NUP98: variants seen among roughly 807,000 people sequenced by gnomAD.
The protein encoded by NUP98 is nucleoporin 98 and 96 precursor, also known as nuclear pore complex protein Nup98-Nup96.
NUP98 carries 26 observed loss-of-function variants against 191.9 expected under a neutral mutation model. That is an observed-to-expected ratio of 0.14 (90% CI 0.10 to 0.19). The LOEUF (loss-of-function observed/expected upper bound fraction) is 0.19. Ranked by LOEUF, NUP98 falls within the 10% of genes least tolerant of loss-of-function variation. NUP98 has a pLI of 1.00. For synonymous variants in NUP98, 808 were observed against 778.4 expected, an observed-to-expected ratio of 1.04 and a Z score of -0.63; for missense variants, 1,941 against 2,178.8, an observed-to-expected ratio of 0.89 and a Z score of 2.17.
At chr11:3,743,864 G>C (rs4910695) in intron 12 of NUP98, among the ~76,000 whole-genome samples, 10,172 of 150,688 alleles carry the variant, frequency 0.068, 367 homozygotes, top group Middle Eastern at 0.1. Context: ...TCAGCCTGGC[G>C]AACATGGTGA....
chr11:3,718,595 G>GGGAAA (rs569498256), intron 18 of NUP98, among the ~76,000 whole-genome samples: 7 of 151,930 alleles, frequency 4.6e-5, no homozygotes, highest in African/African-American at 1.2e-4. Context: ...GAAGCGGAAG[G>GGGAAA]GGAAAGGAAA....
intron 6 of NUP98, 107 bp from the exon 7 acceptor site, chr11:3,772,035 A>C (rs1159763034): frequency 2.2e-6 from 2 of 892,536 alleles, no homozygotes; most frequent in Non-Finnish European, 3.4e-6. Context: ...TCACATAGGA[A>C]CCATAACTAA....
At chr11:3,754,285 G>C (rs567943964) in intron 10 of NUP98, among the ~76,000 whole-genome samples, 132 of 152,292 alleles carry the variant, frequency 8.7e-4, no homozygotes, top group Non-Finnish European at 1.5e-3. Flanking sequence ...AATTAGCCGG[G>C]CATGATGGCG....
rs182131146 is a variant in NUP98 at position 3,730,614 on chromosome 11, T to A, written c.1730+777A>T. Among the ~76,000 whole-genome samples the A allele has an allele frequency of 5.3e-5, 8 of 152,262 alleles. No homozygotes were observed. The East Asian group carries it at 1.5e-3, about 29-fold the overall frequency. On this transcript the variant is annotated intron_variant, in intron 14 of 32. Transcript: ENST00000324932. The stretch of plus-strand genomic sequence containing the variant: ...CCTGACCTCCAGTGATCCACCCACC[T>A]CGGCCAGCCAAAGTGCTGGGATTAC...
chr11:3,692,098 T>C lies in NUP98; in HGVS notation c.4312-609A>G, dbSNP rs557088550. Among the ~76,000 whole-genome samples the C allele has an allele frequency of 2.6e-5, 4 of 152,262 alleles. No individual in the cohort carries two copies. In the East Asian group the frequency reaches 7.7e-4, roughly 29 times the overall value. ...GGTGTTCATGCATGCGTGTGAGATG[T>C]GCCACCCTCGAACCTTGTGAAGATA... On this transcript the variant is annotated intron_variant, in intron 27 of 32. Transcript: ENST00000324932.
chr11:3,793,895 C>T (rs142732628), intron 1 of NUP98, among the ~76,000 whole-genome samples: 2,855 of 152,040 alleles, frequency 0.019, 99 homozygotes, highest in African/African-American at 0.065. Context: ...CTTGAACCCA[C>T]GAGGCGGAGG....
Position 3,676,151 on chromosome 11 carries a change from C to T in NUP98, c.*8G>A, listed in dbSNP as rs988557537. ...GGGCATGTGACTGTGATGCAAAGTG[C>T]CTGGGGCTCACAGGCTCCCAACAGC... On this transcript the variant is annotated 3_prime_UTR_variant, in exon 33 of 33. Coordinates refer to ENST00000324932, the MANE Select transcript of NUP98 (RefSeq NM_016320.5). The T allele has an allele frequency of 2.5e-6, 4 of 1,613,066 alleles. No individual in the cohort carries two copies. Among genetic ancestry groups the T allele is most frequent in the Non-Finnish European group, 3.4e-6 (4 of 1,179,636 alleles).
chr11:3,773,188 G>A (rs1370688248), intron 6 of NUP98, among the ~76,000 whole-genome samples: 1 of 152,044 alleles, frequency 6.6e-6, no homozygotes. Flanking sequence ...AATCGCTTGA[G>A]CTCAGGAGTC....
chr11:3,784,221 C>T (rs2082066487), intron 1 of NUP98, among the ~76,000 whole-genome samples: 1 of 152,154 alleles, frequency 6.6e-6, no homozygotes, highest in Admixed American at 6.5e-5. Flanking sequence ...ACTAACACTT[C>T]CAGTCATTCT....
chr11:3,692,166 AT>A (rs903005195), intron 27 of NUP98, among the ~76,000 whole-genome samples: 27 of 150,794 alleles, frequency 1.8e-4, no homozygotes, highest in African/African-American at 5.8e-4. Context: ...AGAAAAAAAA[AT>A]TTTTTTTTTA....
chr11:3,686,052 C>A lies in NUP98; in HGVS notation c.4597G>T (p.Ala1533Ser), dbSNP rs768567422. Residue 1533 changes from alanine (A) to serine (S), a missense_variant, in exon 29 of 33, where the codon GCC becomes TCC. By Grantham distance (99) the Ala-to-Ser change is moderately conservative. Around this residue, in one of 6 missense-constraint regions of NUP98, gnomAD observed 1,030 missense variants for 1,115.8 expected, o/e 0.92. Transcript: ENST00000324932. ...CTTTCAAGCTGGCCAGCGTAACTGG[C>A]CTGTAGCACACCTTCACACTGCGCT... is the stretch of plus-strand genomic sequence containing the variant. Reference protein sequence around the residue: ...LSAQCEGVLQASYAGQLESEG... With the variant: ...LSAQCEGVLQSSYAGQLESEG... 1.2e-6 allele frequency: 2 copies of A among 1,614,218 alleles called. No individual in the cohort carries two copies.
intron 16 of NUP98, among the ~76,000 whole-genome samples, chr11:3,722,301 A>C (rs2079433676): frequency 6.6e-6 from 1 of 151,640 alleles, no homozygotes; most frequent in African/African-American, 2.4e-5. Flanking sequence ...TTTATTGTAG[A>C]TATCAGGTCT....
intron 21 of NUP98, 28 bp downstream of exon 21, chr11:3,706,417 T>C (rs1288193488): frequency 2.5e-6 from 4 of 1,609,626 alleles, no homozygotes; most frequent in Non-Finnish European, 3.4e-6. Context: ...TGGCTTTCTG[T>C]TACAAAAAAG....
chr11:3,720,975 A>AGTGTGTGAGTGTGT, intron 16 of NUP98, 150 bp from the exon 17 acceptor site: 1 of 323,536 alleles, frequency 3.1e-6, no homozygotes, highest in Non-Finnish European at 5.6e-6. Context: ...GGGGTGTGTG[A>AGTGTGTGAGTGTGT]GTGTGTGTGT....
intron 15 of NUP98, 50 bp downstream of exon 15, chr11:3,725,053 T>C (rs746834682): frequency 2.6e-6 from 2 of 777,300 alleles, no homozygotes; most frequent in Admixed American, 4.6e-5. Flanking sequence ...GTCTTAAAAA[T>C]GAGACTATAA....
chr11:3,689,940 ATTTTTTTTTT>A (rs989043726), intron 28 of NUP98, among the ~76,000 whole-genome samples: 4 of 73,574 alleles, frequency 5.4e-5, no homozygotes, highest in African/African-American at 1.2e-4. Flanking sequence ...GCTGGCCTGC[ATTTTTTTTTT>A]TTTTTTTTTT....
chr11:3,783,170 T>C (rs575479116), intron 1 of NUP98, among the ~76,000 whole-genome samples: 81 of 152,212 alleles, frequency 5.3e-4, no homozygotes, highest in Middle Eastern at 3.4e-3. Context: ...AGCGGGCTGA[T>C]TGCTTGAGCC....
At chr11:3,784,579 T>TAAAAA (rs61334985) in intron 1 of NUP98, among the ~76,000 whole-genome samples, 1 of 89,334 alleles carries the variant, frequency 1.1e-5, no homozygotes, top group African/African-American at 4.4e-5. Context: ...CTGTCTCTAT[T>TAAAAA]AAAAACAAAA....
intron 6 of NUP98, 76 bp downstream of exon 6, chr11:3,773,556 T>C: frequency 1.1e-6 from 1 of 937,218 alleles, no homozygotes. Context: ...CTAAAGAAAA[T>C]CAAAACCATT....
Sources: allele counts gnomAD v4.1 joint callset (sites outside exome capture counted in the v4.1 genomes callset), GRCh38; gene constraint gnomAD v4.1.1; regional missense constraint gnomAD v4.1.1; transcripts MANE v1.5; gene names NCBI Gene and HGNC (gene_info 2026-07-23, HGNC 2026-07-21).